NCKAP5: variants seen among roughly 807,000 people sequenced by gnomAD.
NCKAP5 encodes NCK associated protein 5.
Under a neutral mutation model 167.0 loss-of-function variants are expected in NCKAP5, and 92 were observed. The observed-to-expected ratio is 0.55, with a 90% CI of 0.47 to 0.66. The LOEUF is 0.66. Ranked by LOEUF, NCKAP5 falls within the 30% of genes least tolerant of loss-of-function variation. NCKAP5 has a pLI of 0.00. For synonymous variants in NCKAP5, 891 were observed against 877.4 expected, an observed-to-expected ratio of 1.02 and a Z score of -0.27; for missense variants, 2,378 against 2,315.0, an observed-to-expected ratio of 1.03 and a Z score of -0.56.
chr2:132,897,463 A>G (rs368950521), intron 8 of NCKAP5, among the ~76,000 whole-genome samples: 2 of 152,202 alleles, frequency 1.3e-5, no homozygotes, highest in East Asian at 3.8e-4. Flanking sequence ...AGTGTATTTA[A>G]CATACCTATA....
At chr2:133,132,500 C>T (rs2082640975) in intron 5 of NCKAP5, among the ~76,000 whole-genome samples, 2 of 148,756 alleles carry the variant, frequency 1.3e-5, no homozygotes, top group South Asian at 4.3e-4. Flanking sequence ...CACACACACA[C>T]ACACACACAC....
intron 3 of NCKAP5, among the ~76,000 whole-genome samples, chr2:133,330,470 T>A (rs186723531): frequency 6.6e-6 from 1 of 151,812 alleles, no homozygotes; most frequent in Non-Finnish European, 1.5e-5. Flanking sequence ...TGTTGCCTTT[T>A]AAAAATACAT....
At chr2:133,415,604 G>T (rs1689063482) in intron 3 of NCKAP5, among the ~76,000 whole-genome samples, 1 of 152,306 alleles carries the variant, frequency 6.6e-6, no homozygotes, top group African/African-American at 2.4e-5. Flanking sequence ...GAACAAGTGT[G>T]TTTGGTCACC....
At chr2:132,751,599 C>T (rs1280676470) in intron 16 of NCKAP5, among the ~76,000 whole-genome samples, 1 of 152,150 alleles carries the variant, frequency 6.6e-6, no homozygotes, top group Non-Finnish European at 1.5e-5. Context: ...ATGCCTACAG[C>T]CTGTTCTCCT....
At chr2:133,149,756 A>G (rs2083320101) in intron 5 of NCKAP5, among the ~76,000 whole-genome samples, 1 of 152,172 alleles carries the variant, frequency 6.6e-6, no homozygotes, top group Admixed American at 6.6e-5. Flanking sequence ...TCAGAATAAG[A>G]CAAGTTTCCT....
intron 5 of NCKAP5, among the ~76,000 whole-genome samples, chr2:133,176,475 T>C (rs1376562477): frequency 6.6e-6 from 1 of 152,216 alleles, no homozygotes; most frequent in Non-Finnish European, 1.5e-5. Context: ...TTATTAAATA[T>C]ACTTGCTTTA....
chr2:133,086,415 A>T (rs1448348920), intron 6 of NCKAP5, among the ~76,000 whole-genome samples: 2 of 152,172 alleles, frequency 1.3e-5, no homozygotes, highest in East Asian at 1.9e-4. Flanking sequence ...AGGTAGGAGG[A>T]TCACTTGAGC....
chr2:133,151,668 G>A (rs1034990359), intron 5 of NCKAP5, among the ~76,000 whole-genome samples: 28 of 152,210 alleles, frequency 1.8e-4, no homozygotes, highest in African/African-American at 6.3e-4. Context: ...TTCACTGCTA[G>A]TGAAAGTATA....
intron 8 of NCKAP5, among the ~76,000 whole-genome samples, chr2:132,936,164 C>G (rs1175855621): frequency 2.0e-5 from 3 of 151,700 alleles, no homozygotes; most frequent in Admixed American, 2.0e-4. Context: ...GTGTTTTTAG[C>G]AGAGATGGGG....
intron 8 of NCKAP5, among the ~76,000 whole-genome samples, chr2:132,919,225 G>T (rs1695119275): frequency 6.6e-6 from 1 of 152,096 alleles, no homozygotes; most frequent in Admixed American, 6.5e-5. Flanking sequence ...GATGGAGAAG[G>T]GAAAGAAAAA....
chr2:132,820,900 G>A (rs72991322), intron 11 of NCKAP5, among the ~76,000 whole-genome samples: 23 of 152,262 alleles, frequency 1.5e-4, no homozygotes, highest in African/African-American at 5.1e-4. Context: ...CTTATCCTGC[G>A]TGATAAGTGA....
chr2:133,138,922 G>A (rs561749712), intron 5 of NCKAP5, among the ~76,000 whole-genome samples: 3 of 152,308 alleles, frequency 2.0e-5, no homozygotes, highest in African/African-American at 7.2e-5. Context: ...ATACGCCACA[G>A]TGACTAACCC....
the NCKAP5 span, among the ~76,000 whole-genome samples, chr2:133,605,170 G>A: frequency 6.6e-6 from 1 of 152,130 alleles, no homozygotes; most frequent in African/African-American, 2.4e-5. Context: ...CAAATAAGCT[G>A]GACTTGTGAT....
At chr2:133,441,662 A>G (rs1690870117) in intron 3 of NCKAP5, among the ~76,000 whole-genome samples, 1 of 152,204 alleles carries the variant, frequency 6.6e-6, no homozygotes, top group African/African-American at 2.4e-5. Flanking sequence ...TAATAAACTT[A>G]CTTTGTGATC....
At chr2:132,823,551 G>A (rs1396747175) in intron 11 of NCKAP5, among the ~76,000 whole-genome samples, 1 of 151,602 alleles carries the variant, frequency 6.6e-6, no homozygotes, top group East Asian at 1.9e-4. Flanking sequence ...GCTAAAAGGA[G>A]TTTAAAATCT....
intron 11 of NCKAP5, among the ~76,000 whole-genome samples, chr2:132,849,557 C>T (rs1688922634): frequency 1.3e-5 from 2 of 152,268 alleles, no homozygotes; most frequent in Non-Finnish European, 1.5e-5. Context: ...TTTGTTGCAC[C>T]TCCCTGTTCC....
intron 3 of NCKAP5, among the ~76,000 whole-genome samples, chr2:133,493,106 G>A (rs1575055673): frequency 6.6e-6 from 1 of 152,186 alleles, no homozygotes; most frequent in Non-Finnish European, 1.5e-5. Flanking sequence ...CTCACTAAGT[G>A]GCAGTGTAAA....
intron 4 of NCKAP5, among the ~76,000 whole-genome samples, chr2:133,222,818 T>C (rs2086713276): frequency 1.3e-5 from 2 of 152,210 alleles, no homozygotes; most frequent in Admixed American, 1.3e-4. Flanking sequence ...AACAAATATG[T>C]AAAATAGCAA....
At chr2:133,119,619 T>C (rs555883839) in intron 6 of NCKAP5, among the ~76,000 whole-genome samples, 1 of 152,164 alleles carries the variant, frequency 6.6e-6, no homozygotes, top group Non-Finnish European at 1.5e-5. Flanking sequence ...ATTATACGAA[T>C]GTATTAAAAT....
Sources: allele counts gnomAD v4.1 joint callset (sites outside exome capture counted in the v4.1 genomes callset), GRCh38; gene constraint gnomAD v4.1.1; transcripts MANE v1.5; gene names NCBI Gene and HGNC (gene_info 2026-07-23, HGNC 2026-07-21).